Variants in XXYLT1 observed in about 807,000 individuals in gnomAD.
The protein encoded by XXYLT1 is UDP-xylose:alpha-xyloside alpha-1,3-xylosyltransferase.
Under a neutral mutation model 28.9 loss-of-function variants are expected in XXYLT1, and 20 were observed. That is an observed-to-expected ratio of 0.69 (90% CI 0.49 to 1.00). The LOEUF is 1.00. Among genes scored for constraint, XXYLT1 ranks in the 50% least tolerant of loss-of-function variants. XXYLT1 has a pLI of 0.00. For synonymous variants in XXYLT1, 257 were observed against 253.8 expected (o/e 1.01, Z -0.12); for missense variants, 542 against 560.1 (o/e 0.97, Z 0.33).
At chr3:195,205,541 A>G (rs115698629) in intron 2 of XXYLT1, among the ~76,000 whole-genome samples, 34 of 152,286 alleles carry the variant, frequency 2.2e-4, no homozygotes, top group African/African-American at 7.5e-4. Flanking sequence ...CTTTGTGGGG[A>G]TAAACGTTCT....
At chr3:195,171,242 C>T (rs1721389846) in intron 2 of XXYLT1, among the ~76,000 whole-genome samples, 1 of 152,208 alleles carries the variant, frequency 6.6e-6, no homozygotes, top group African/African-American at 2.4e-5. Flanking sequence ...ACAGGCAAGC[C>T]TAAGTTCTCC....
chr3:195,152,820 A>G (rs1720350050), intron 3 of XXYLT1: 1 of 152,264 alleles, frequency 6.6e-6, no homozygotes, highest in African/African-American at 2.4e-5. Flanking sequence ...CTGCTCAGCA[A>G]GTTTCCAGAT....
At chr3:195,241,814 CACACACACATGCACACAACAT>C (rs1277809121) in intron 1 of XXYLT1, among the ~76,000 whole-genome samples, 2 of 152,076 alleles carry the variant, frequency 1.3e-5, no homozygotes, top group African/African-American at 4.8e-5. Flanking sequence ...GCGCACAACA[CACACACACATGCACACAACAT>C]ACACAGACAT....
chr3:195,117,011 G>T (rs565661293), intron 3 of XXYLT1, among the ~76,000 whole-genome samples: 1 of 152,010 alleles, frequency 6.6e-6, no homozygotes, highest in Admixed American at 6.6e-5. Flanking sequence ...CTGATGCTAC[G>T]GGGATGTGGA....
At chr3:195,107,395 A>G (rs1233503400) in intron 3 of XXYLT1, among the ~76,000 whole-genome samples, 1 of 141,726 alleles carries the variant, frequency 7.1e-6, no homozygotes, top group Non-Finnish European at 1.5e-5. Context: ...AATCGCTTGA[A>G]CCCAGGAGGT....
intron 1 of XXYLT1, among the ~76,000 whole-genome samples, chr3:195,264,723 TAAC>T (rs1156912933): frequency 6.6e-6 from 1 of 152,178 alleles, no homozygotes; most frequent in Non-Finnish European, 1.5e-5. Flanking sequence ...GATATGCACT[TAAC>T]AACACCCTAT....
chr3:195,158,773 C>A (rs1399956192), intron 2 of XXYLT1, among the ~76,000 whole-genome samples: 2 of 152,198 alleles, frequency 1.3e-5, no homozygotes, highest in African/African-American at 2.4e-5. Context: ...AGGAGGTTAG[C>A]CCCTTCATGT....
At chr3:195,116,378 ATT>A (rs1222758676) in intron 3 of XXYLT1, among the ~76,000 whole-genome samples, 3 of 152,188 alleles carry the variant, frequency 2.0e-5, no homozygotes, top group African/African-American at 7.2e-5. Context: ...TAAAATGTAG[ATT>A]CTGAGTCAGT....
intron 2 of XXYLT1, among the ~76,000 whole-genome samples, chr3:195,187,108 G>A (rs891825171): frequency 6.6e-6 from 1 of 151,014 alleles, no homozygotes; most frequent in African/African-American, 2.4e-5. Flanking sequence ...CGTGGTGGCG[G>A]GCGCCTGTAG....
chr3:195,257,665 A>C lies in XXYLT1; in HGVS notation c.504+12890T>G, dbSNP rs536530967. Among the ~76,000 whole-genome samples the C allele has an allele frequency of 2.6e-5, 4 of 152,126 alleles. No homozygotes were observed. The South Asian group carries it at 8.3e-4, about 32-fold the overall frequency. ...TAGCTCTCCCTGTGGCTCCCGCTCC[A>C]GAGTCCTGGCTACTGCTGACTCTCT... On this transcript the variant is annotated intron_variant, in intron 1 of 3. Transcript: ENST00000310380. This position sits in a 1 kb window ranked among gnomAD's most constrained non-coding sequence, Gnocchi z 4.3.
At chr3:195,230,802 G>A (rs1042185846) in intron 1 of XXYLT1, among the ~76,000 whole-genome samples, 2 of 152,132 alleles carry the variant, frequency 1.3e-5, no homozygotes, top group Non-Finnish European at 2.9e-5. Flanking sequence ...ATAACTTGAA[G>A]TCACATCATG....
intron 3 of XXYLT1, among the ~76,000 whole-genome samples, chr3:195,103,254 G>C (rs1716888917): frequency 6.6e-6 from 1 of 152,220 alleles, no homozygotes; most frequent in Non-Finnish European, 1.5e-5. Context: ...AGTTAATGCT[G>C]GGCCACTGGT....
In XXYLT1 at chr3:195,156,476, A is replaced by G. The variant is rs1720598238; in HGVS notation, c.758T>C (p.Ile253Thr). Residue 253 changes from isoleucine to threonine, a missense_variant, in exon 3 of 4, where the codon ATA becomes ACA. Ile to Thr is a moderately conservative substitution (Grantham distance 89). Transcript: ENST00000310380. ...GTAAACTGGCTGCATCTCCCGGGCT[A>G]TGCCGATGATGGCGCCTGGCAGGAA... ...DSFLPGAIIG[I>T]AREMQPVYRH... is the part of the protein sequence containing the mutation. 2 of 1,614,212 alleles carry G rather than the reference A, an allele frequency of 1.2e-6. No individual in the cohort carries two copies. The highest frequency in any genetic ancestry group is 1.7e-6 in the Non-Finnish European group (2 of 1,180,038).
Position 195,076,386 on chromosome 3 carries a change from C to G in XXYLT1, c.786-6275G>C, listed in dbSNP as rs141091695. ...ACTCGACCGCGCGTGTTCCCGGAGT[C>G]TGAGTCGTTTTGAATTATGTCACGC... On this transcript the variant is annotated intron_variant, in intron 3 of 3. Transcript: ENST00000310380. This position sits in a 1 kb window ranked among gnomAD's most constrained non-coding sequence, Gnocchi z 5.3. 2.0e-5 allele frequency among the ~76,000 whole-genome samples: 3 copies of G among 151,448 alleles called. No individual in the cohort carries two copies. The highest frequency in any genetic ancestry group is 4.4e-5 in the Non-Finnish European group (3 of 67,922).
chr3:195,095,304 G>C (rs1208314250), intron 3 of XXYLT1: 1 of 153,728 alleles, frequency 6.5e-6, no homozygotes, highest in Non-Finnish European at 1.5e-5. Flanking sequence ...TGTGGCGGTG[G>C]TGAGTGTAAT....
chr3:195,159,713 TGA>T (rs1385090918), intron 2 of XXYLT1, among the ~76,000 whole-genome samples: 1 of 152,212 alleles, frequency 6.6e-6, no homozygotes, highest in Non-Finnish European at 1.5e-5. Flanking sequence ...TTTTCAGGGC[TGA>T]GAACACCTAT....
chr3:195,146,712 T>G (rs927634848), intron 3 of XXYLT1: 8 of 152,306 alleles, frequency 5.3e-5, no homozygotes, highest in African/African-American at 1.9e-4. Flanking sequence ...TTTTTGTTTG[T>G]TTGGTTTCTT....
chr3:195,164,283 C>G (rs1721008654), intron 2 of XXYLT1, among the ~76,000 whole-genome samples: 1 of 152,200 alleles, frequency 6.6e-6, no homozygotes, highest in African/African-American at 2.4e-5. Flanking sequence ...ATCCAGATCC[C>G]CTTTCCCTGT....
chr3:195,098,763 G>T (rs1381509182), intron 3 of XXYLT1, among the ~76,000 whole-genome samples: 2 of 152,166 alleles, frequency 1.3e-5, no homozygotes, highest in Non-Finnish European at 2.9e-5. Context: ...TTAAGGCCCT[G>T]GTGCCTCTTG....
Sources: allele counts gnomAD v4.1 joint callset (sites outside exome capture counted in the v4.1 genomes callset), GRCh38; gene constraint gnomAD v4.1.1; non-coding constraint Gnocchi (gnomAD v3.1); transcripts MANE v1.5; gene names NCBI Gene and HGNC (gene_info 2026-07-23, HGNC 2026-07-21).